TMTC2: variants seen among roughly 807,000 people sequenced by gnomAD.
TMTC2 encodes the protein protein O-mannosyl-transferase TMTC2.
TMTC2 carries 43 observed loss-of-function variants against 82.4 expected under a neutral mutation model. That is an observed-to-expected ratio of 0.52 (90% CI 0.41 to 0.67). TMTC2 has a LOEUF of 0.67. Among genes scored for constraint, TMTC2 ranks in the 30% least tolerant of loss-of-function variants. The probability of loss-of-function intolerance (pLI) is 0.00; values close to 1 mark genes in which losing one functional copy is unlikely to be tolerated. For missense variants in TMTC2, 919 were observed against 1,012.4 expected (o/e 0.91, Z 1.25); for synonymous variants, 408 against 381.9 (o/e 1.07, Z -0.80).
chr12:82,817,252 A>G (rs112001357), intron 1 of TMTC2, among the ~76,000 whole-genome samples: 24 of 152,160 alleles, frequency 1.6e-4, no homozygotes, highest in Admixed American at 4.6e-4. Context: ...TACAGGCATG[A>G]GCCACAGCGC....
chr12:82,914,811 T>G (rs1874901291), intron 3 of TMTC2, among the ~76,000 whole-genome samples: 1 of 147,252 alleles, frequency 6.8e-6, no homozygotes, highest in Non-Finnish European at 1.5e-5. Context: ...TCATTACAAC[T>G]CACTTATTTT....
rs1878117463 is a variant in TMTC2, at chr12:82,964,892, A to T, written c.1599-132A>T. 2.5e-5 allele frequency: 13 copies of T among 515,730 alleles called. 1 individual carries two copies. The South Asian group carries it at 5.0e-4, about 20-fold the overall frequency. The allele number at this position is 515,730 out of a possible 1,614,324, so 31.9% of individuals were successfully genotyped here. A position where few individuals can be genotyped will look rare whatever the true frequency, so the allele number is the denominator to read the frequency against. On this transcript the variant is annotated intron_variant, in intron 4 of 11. Coordinates refer to ENST00000321196, the MANE Select transcript of TMTC2 (RefSeq NM_152588.3). ...AATCATTTCCTTATATTTAGAATTT[A>T]TTTTTATATTACCAGGTTAGCATTT...
Position 82,994,341 on chromosome 12 carries a change from C to T in TMTC2, c.2070+8295C>T, listed in dbSNP as rs1176777593. Among the ~76,000 whole-genome samples, 9 of 152,080 alleles carry T rather than the reference C, an allele frequency of 5.9e-5. No homozygotes were observed. The East Asian group carries it at 1.5e-3, about 26-fold the overall frequency. On this transcript the variant is annotated intron_variant, in intron 8 of 11. Coordinates refer to ENST00000321196, the MANE Select transcript of TMTC2 (RefSeq NM_152588.3). ...GATAATTTTAGTAAAGCTGTGGTTCCGCCATGTTGGCCAGGCTGGTCTCAA... is the reference window on the plus strand; with the variant it reads ...GATAATTTTAGTAAAGCTGTGGTTCTGCCATGTTGGCCAGGCTGGTCTCAA...
intron 4 of TMTC2, among the ~76,000 whole-genome samples, chr12:82,948,486 T>A (rs12581918): frequency 3.9e-5 from 6 of 152,046 alleles, no homozygotes; most frequent in African/African-American, 7.3e-5. Flanking sequence ...AGCAAAAAAA[T>A]ATATATATAG....
In TMTC2 at chr12:82,980,608, GAA is replaced by G. The variant is rs35145969; in HGVS notation, c.1949-5308_1949-5307del. On this transcript the variant is annotated intron_variant, in intron 7 of 11. Coordinates refer to ENST00000321196, the MANE Select transcript of TMTC2 (RefSeq NM_152588.3). ...AAGTGTCCCTGTTCTTTAGAGACTAGAAAAAAAAAATTATAATTTGTGTGAGT... is the reference window on the plus strand; with the variant it reads ...AAGTGTCCCTGTTCTTTAGAGACTAGAAAAAAAATTATAATTTGTGTGAGT... 2.4e-3 allele frequency among the ~76,000 whole-genome samples: 367 copies of G among 151,342 alleles called. 3 individuals carry two copies. Among genetic ancestry groups the G allele is most frequent in the African/African-American group, 8.4e-3 (348 of 41,350 alleles).
intron 1 of TMTC2, among the ~76,000 whole-genome samples, chr12:82,774,495 C>A (rs570156133): frequency 1.6e-4 from 24 of 152,034 alleles, no homozygotes; most frequent in African/African-American, 5.3e-4. Flanking sequence ...GTGGCATGCA[C>A]CTGTAATCCC....
At chr12:82,965,223 T>G (rs2137303070) in intron 5 of TMTC2, 114 bp downstream of exon 5, 1 of 758,544 alleles carries the variant, frequency 1.3e-6, no homozygotes, top group East Asian at 2.6e-5. Context: ...GAATACTCGC[T>G]AATCAGATTA....
chr12:83,067,499 A>T (rs1882962828), intron 11 of TMTC2, among the ~76,000 whole-genome samples: 1 of 152,024 alleles, frequency 6.6e-6, no homozygotes, highest in South Asian at 2.1e-4. Context: ...CTCCCCAGTG[A>T]CTGAAGAAGA....
At chr12:82,784,002 T>C (rs1389245978) in intron 1 of TMTC2, among the ~76,000 whole-genome samples, 1 of 152,088 alleles carries the variant, frequency 6.6e-6, no homozygotes, top group Non-Finnish European at 1.5e-5. Flanking sequence ...AGAATTCTGA[T>C]TATAGCTATA....
intron 8 of TMTC2, among the ~76,000 whole-genome samples, chr12:83,018,981 T>G (rs1427259417): frequency 6.6e-6 from 1 of 152,154 alleles, no homozygotes; most frequent in Non-Finnish European, 1.5e-5. Flanking sequence ...GTAATTAGAG[T>G]ACATATGGTA....
intron 7 of TMTC2, among the ~76,000 whole-genome samples, chr12:82,981,714 T>C (rs1288498453): frequency 6.6e-6 from 1 of 151,872 alleles, no homozygotes; most frequent in East Asian, 1.9e-4. Flanking sequence ...TTAACCTTTA[T>C]CTCCTGTCCT....
At chr12:83,084,612 T>G (rs980684403) in intron 11 of TMTC2, among the ~76,000 whole-genome samples, 1 of 152,252 alleles carries the variant, frequency 6.6e-6, no homozygotes, top group Non-Finnish European at 1.5e-5. Flanking sequence ...TTTCCTATCA[T>G]TAGTCAATTT....
chr12:83,035,768 T>G (rs541852778), intron 9 of TMTC2, among the ~76,000 whole-genome samples: 1 of 152,138 alleles, frequency 6.6e-6, no homozygotes, highest in Non-Finnish European at 1.5e-5. Context: ...TCCAAAAGAA[T>G]GAAGGTCAAG....
At chr12:82,913,838 A>G (rs914834015) in intron 3 of TMTC2, among the ~76,000 whole-genome samples, 2 of 152,196 alleles carry the variant, frequency 1.3e-5, no homozygotes, top group Non-Finnish European at 2.9e-5. Flanking sequence ...TTCCAAGACC[A>G]CACACTTAAA....
At chr12:82,897,878 T>C (rs1299236809) in intron 3 of TMTC2, among the ~76,000 whole-genome samples, 1 of 152,108 alleles carries the variant, frequency 6.6e-6, no homozygotes, top group Non-Finnish European at 1.5e-5. Flanking sequence ...CTGGCATTTT[T>C]CTACTCTTTC....
intron 4 of TMTC2, among the ~76,000 whole-genome samples, chr12:82,937,771 T>TACATATATATATATATATAC (rs1565818353): frequency 8.3e-5 from 2 of 24,014 alleles, no homozygotes; most frequent in Non-Finnish European, 1.8e-4. Context: ...TATATATATA[T>TACATATATATATATATATAC]ATATATATAT....
intron 3 of TMTC2, among the ~76,000 whole-genome samples, chr12:82,897,426 G>A (rs1456211110): frequency 1.3e-5 from 2 of 152,182 alleles, no homozygotes; most frequent in African/African-American, 4.8e-5. Context: ...GCAATTAAAT[G>A]TATTGGAAGC....
intron 8 of TMTC2, among the ~76,000 whole-genome samples, chr12:83,007,071 G>A (rs1232366019): frequency 1.3e-5 from 2 of 151,444 alleles, no homozygotes; most frequent in African/African-American, 2.4e-5. Context: ...TTGTGCACAT[G>A]TACCCTAGAA....
intron 3 of TMTC2, among the ~76,000 whole-genome samples, chr12:82,920,474 A>G (rs1413711338): frequency 2.2e-4 from 34 of 152,336 alleles, no homozygotes; most frequent in Non-Finnish European, 1.5e-4. Context: ...TTCAAAGAAC[A>G]TCAAACCATG....
Sources: gnomAD v4.1 joint callset for allele counts (sites outside exome capture counted in the v4.1 genomes callset) on GRCh38, gnomAD v4.1.1 for gene constraint, MANE v1.5 for transcripts, NCBI Gene and HGNC (gene_info 2026-07-23, HGNC 2026-07-21) for gene names.